OPHN1: variants seen among roughly 807,000 people sequenced by gnomAD.
OPHN1 encodes the protein oligophrenin 1, also known as oligophrenin-1.
Under a neutral mutation model 60.7 loss-of-function variants are expected in OPHN1, and 11 were observed. The observed-to-expected ratio is 0.18, with a 90% CI of 0.11 to 0.30. The LOEUF (loss-of-function observed/expected upper bound fraction) is 0.30, where lower values mean the gene tolerates loss of function less well. Among genes scored for constraint, OPHN1 ranks in the 10% least tolerant of loss-of-function variants. The pLI, the probability that OPHN1 is intolerant of heterozygous loss-of-function variation, is 1.00. For missense variants in OPHN1, 449 were observed against 611.0 expected (o/e 0.73, Z 2.80); for synonymous variants, 226 against 222.6 (o/e 1.02, Z -0.14).
intron 5 of OPHN1, among the ~76,000 whole-genome samples, chrX:68,244,441 T>C (rs2077795936): frequency 8.9e-6 from 1 of 112,361 alleles, no homozygotes; most frequent in South Asian, 3.7e-4. Context: ...ACCACTAAAA[T>C]GTAAGGTCTA....
intron 2 of OPHN1, among the ~76,000 whole-genome samples, chrX:68,430,730 A>T (rs1429250107): frequency 9.0e-6 from 1 of 110,933 alleles, no homozygotes; most frequent in Non-Finnish European, 1.9e-5. Flanking sequence ...AGGATGAGGC[A>T]GGAGGATCGC....
chrX:68,369,881 G>T (rs2078518196), intron 2 of OPHN1, among the ~76,000 whole-genome samples: 1 of 106,745 alleles, frequency 9.4e-6, no homozygotes, highest in Non-Finnish European at 1.9e-5. Flanking sequence ...ATTGTCAAAA[G>T]ACAGACAGTC....
chrX:68,260,432 T>G (rs1165574674), intron 5 of OPHN1, among the ~76,000 whole-genome samples: 1 of 110,618 alleles, frequency 9.0e-6, no homozygotes, highest in African/African-American at 3.3e-5. Flanking sequence ...ATCTTTTTTT[T>G]AATCTTCTGA....
chrX:68,183,632 A>G (rs1436755984), intron 15 of OPHN1, among the ~76,000 whole-genome samples: 1 of 111,331 alleles, frequency 9.0e-6, no homozygotes, highest in Non-Finnish European at 1.9e-5. Context: ...CTAGAGATTC[A>G]AAGTCCTTTT....
chrX:68,146,427 T>C (rs1259859544), intron 15 of OPHN1, among the ~76,000 whole-genome samples: 1 of 112,299 alleles, frequency 8.9e-6, no homozygotes, highest in Admixed American at 9.4e-5. Flanking sequence ...TGAATCTTTA[T>C]CAGGAATAGA....
At chrX:68,114,070 C>A (rs2077117212) in intron 16 of OPHN1, among the ~76,000 whole-genome samples, 1 of 110,371 alleles carries the variant, frequency 9.1e-6, no homozygotes, top group African/African-American at 3.3e-5. Context: ...ATAGTCCAAA[C>A]CTCCAACGAG....
intron 5 of OPHN1, among the ~76,000 whole-genome samples, chrX:68,240,238 T>C (rs2077774312): frequency 8.9e-6 from 1 of 112,557 alleles, no homozygotes; most frequent in Admixed American, 9.4e-5. Flanking sequence ...TTTAGTATAA[T>C]GTTTGCTATA....
intron 2 of OPHN1, among the ~76,000 whole-genome samples, chrX:68,340,403 C>G (rs762870104): frequency 1.9e-4 from 21 of 111,957 alleles, no homozygotes; most frequent in Non-Finnish European, 3.9e-4. Flanking sequence ...CAGAAATAAG[C>G]CTACACATTT....
intron 15 of OPHN1, among the ~76,000 whole-genome samples, chrX:68,125,954 T>TATATATATATATACATAC (rs1262640434): frequency 5.4e-5 from 3 of 55,826 alleles, no homozygotes; most frequent in Non-Finnish European, 1.1e-4. Flanking sequence ...TATATATATA[T>TATATATATATATACATAC]ATACATACAC....
chrX:68,205,909 A>T (rs1478564708), intron 10 of OPHN1, among the ~76,000 whole-genome samples: 1 of 110,601 alleles, frequency 9.0e-6, no homozygotes, highest in Non-Finnish European at 1.9e-5. Context: ...GAATATAAAC[A>T]ATCTGTCTAA....
chrX:68,264,006 T>C (rs1417153583), intron 5 of OPHN1, among the ~76,000 whole-genome samples: 1 of 111,698 alleles, frequency 9.0e-6, no homozygotes, highest in African/African-American at 3.3e-5. Context: ...ATTTAGTTAA[T>C]TACCCTCAGA....
intron 2 of OPHN1, 43 bp downstream of exon 2, chrX:68,432,824 C>T (rs1475622173): frequency 4.2e-6 from 5 of 1,198,095 alleles, no homozygotes; most frequent in Non-Finnish European, 5.7e-6. Flanking sequence ...AAAGGCCAGA[C>T]ACACCAGCTC....
At chrX:68,266,158 C>G (rs956821688) in intron 5 of OPHN1, among the ~76,000 whole-genome samples, 4 of 110,638 alleles carry the variant, frequency 3.6e-5, no homozygotes, top group Non-Finnish European at 7.6e-5. Flanking sequence ...CCAACATTCA[C>G]ATTCAGGAAA....
chrX:68,393,885 GTTTTTTTTTTT>G (rs1163192446), intron 2 of OPHN1, among the ~76,000 whole-genome samples: 1 of 34,600 alleles, frequency 2.9e-5, no homozygotes, highest in Non-Finnish European at 4.9e-5. Flanking sequence ...AATAGACTTT[GTTTTTTTTTTT>G]TTTTTTTTTT....
intron 2 of OPHN1, among the ~76,000 whole-genome samples, chrX:68,371,263 G>A (rs1240652098): frequency 1.0e-4 from 11 of 107,475 alleles, no homozygotes; most frequent in African/African-American, 3.7e-4. Flanking sequence ...TGTCAGCCAG[G>A]CTGGAGTGCA....
intron 5 of OPHN1, among the ~76,000 whole-genome samples, chrX:68,267,827 T>C (rs2077940590): frequency 9.0e-6 from 1 of 110,934 alleles, no homozygotes; most frequent in Non-Finnish European, 1.9e-5. Flanking sequence ...ATCAAATAGA[T>C]GCAACAAAAA....
chrX:68,416,157 C>T (rs1219039622), intron 2 of OPHN1, among the ~76,000 whole-genome samples: 1 of 103,140 alleles, frequency 9.7e-6, no homozygotes, highest in Non-Finnish European at 1.9e-5. Context: ...ATCCTCCCAC[C>T]TCAGCCTCCT....
intron 2 of OPHN1, among the ~76,000 whole-genome samples, chrX:68,313,995 T>TA (rs1407839466): frequency 3.6e-5 from 4 of 110,918 alleles, no homozygotes; most frequent in Admixed American, 9.7e-5. Context: ...CCACAAAAAT[T>TA]AAAAAAATTA....
intron 6 of OPHN1, among the ~76,000 whole-genome samples, chrX:68,219,793 A>T (rs971481527): frequency 4.8e-5 from 5 of 103,838 alleles, no homozygotes; most frequent in Non-Finnish European, 9.9e-5. Context: ...GTGTAGAGGG[A>T]AATTTATAGC....
Sources: gnomAD v4.1 joint callset for allele counts (sites outside exome capture counted in the v4.1 genomes callset) on GRCh38, gnomAD v4.1.1 for gene constraint, MANE v1.5 for transcripts, NCBI Gene and HGNC (gene_info 2026-07-23, HGNC 2026-07-21) for gene names.